The following MCUR1 variants were observed in gnomAD, a reference collection of about 807,000 sequenced individuals.
MCUR1 encodes the protein MCU regulator 1.
MCUR1 carries 37 observed loss-of-function variants against 42.0 expected under a neutral mutation model. The ratio of observed to expected loss-of-function variants is 0.88; its 90% CI spans 0.68 to 1.16. The LOEUF (loss-of-function observed/expected upper bound fraction) is 1.16. Among genes scored for constraint, MCUR1 ranks in the 50% most tolerant of loss-of-function variants. The probability of loss-of-function intolerance (pLI) is 0.00; values close to 1 mark genes in which losing one functional copy is unlikely to be tolerated. For missense variants in MCUR1, 469 were observed against 468.4 expected, an observed-to-expected ratio of 1.00 and a Z score of -0.01; for synonymous variants, 229 against 196.2, an observed-to-expected ratio of 1.17 and a Z score of -1.40.
At chr6:13,799,227 C>T (rs942113857) in intron 5 of MCUR1, among the ~76,000 whole-genome samples, 2 of 150,586 alleles carry the variant, frequency 1.3e-5, no homozygotes, top group African/African-American at 4.9e-5. Context: ...ACTCTGTCAA[C>T]CAGGCTGGAG....
intron 6 of MCUR1, 118 bp from the exon 7 acceptor site, chr6:13,794,065 C>A: frequency 1.2e-6 from 1 of 809,740 alleles, no homozygotes; most frequent in Non-Finnish European, 2.0e-6. Context: ...CAGAAAGTCA[C>A]CTCTGGGATT....
intron 2 of MCUR1, chr6:13,803,685 C>CGT (rs1760042655): frequency 2.3e-5 from 21 of 900,186 alleles, no homozygotes; most frequent in Non-Finnish European, 2.7e-5. Context: ...AATTTTTCAA[C>CGT]ATGTTATACA....
At chr6:13,791,773 A>G in intron 8 of MCUR1, 105 bp downstream of exon 8, 2 of 713,806 alleles carry the variant, frequency 2.8e-6, no homozygotes, top group Non-Finnish European at 4.5e-6. Context: ...ATGTTAAAAT[A>G]TTTCAGAAAG....
chr6:13,799,827 C>CT (rs542304036), intron 5 of MCUR1, among the ~76,000 whole-genome samples: 1,813 of 96,044 alleles, frequency 0.019, 39 homozygotes, highest in African/African-American at 0.043. Context: ...ACACAATTTT[C>CT]TTTTTTTTTT....
At chr6:13,801,898 G>T (rs1332310217) in intron 3 of MCUR1, among the ~76,000 whole-genome samples, 1 of 152,002 alleles carries the variant, frequency 6.6e-6, no homozygotes, top group Non-Finnish European at 1.5e-5. Context: ...CACATATCTG[G>T]TTATTGTTAC....
At chr6:13,807,118 A>T (rs556624787) in intron 1 of MCUR1, 74 bp from the exon 2 acceptor site, 52 of 1,495,200 alleles carry the variant, frequency 3.5e-5, no homozygotes, top group Non-Finnish European at 4.0e-5. Context: ...CAGAGAAAAT[A>T]AGGCATACCC....
At chr6:13,802,438 G>A (rs1760011808) in intron 2 of MCUR1, 92 bp from the exon 3 acceptor site, 3 of 983,664 alleles carry the variant, frequency 3.0e-6, no homozygotes, top group African/African-American at 1.6e-5. Flanking sequence ...AAATCCAGGA[G>A]GAAGAGTACA....
At chr6:13,797,362 A>G (rs1218691010) in intron 6 of MCUR1, among the ~76,000 whole-genome samples, 1 of 152,198 alleles carries the variant, frequency 6.6e-6, no homozygotes, top group Admixed American at 6.5e-5. Context: ...AGACGGCTGA[A>G]TATTCAGACA....
chr6:13,798,740 G>C (rs1759912134), intron 6 of MCUR1, 93 bp downstream of exon 6: 4 of 845,766 alleles, frequency 4.7e-6, no homozygotes, highest in Middle Eastern at 2.3e-4. Context: ...ATATTTAACA[G>C]TACCTATGAC....
At chr6:13,797,784 G>C (rs1160597430) in intron 6 of MCUR1, among the ~76,000 whole-genome samples, 2 of 152,006 alleles carry the variant, frequency 1.3e-5, no homozygotes, top group Non-Finnish European at 2.9e-5. Context: ...AGCACTTTAG[G>C]AGGACAAGGT....
intron 6 of MCUR1, among the ~76,000 whole-genome samples, chr6:13,795,703 A>C (rs916566600): frequency 6.6e-6 from 1 of 152,150 alleles, no homozygotes. Flanking sequence ...GCAAAGGCAA[A>C]AGGATGATAC....
At chr6:13,795,311 C>A (rs1759832281) in intron 6 of MCUR1, among the ~76,000 whole-genome samples, 1 of 152,088 alleles carries the variant, frequency 6.6e-6, no homozygotes, top group Non-Finnish European at 1.5e-5. Flanking sequence ...TTGTGCACCA[C>A]TAAACCTCAG....
rs1338230722 is a variant in MCUR1 at position 13,788,724 on chromosome 6, T to C, written c.*2085A>G. On this transcript the variant is annotated 3_prime_UTR_variant, in exon 9 of 9. Coordinates refer to ENST00000379170, the MANE Select transcript of MCUR1 (RefSeq NM_001031713.4). ...TTCTCTCTGAAAGGGGGATGATATA[T>C]TGATAAAATATTTTATTAATCAGTT... 1 of 152,190 alleles carries C rather than the reference T, an allele frequency of 6.6e-6. No individual in the cohort carries two copies. The highest frequency in any genetic ancestry group is 6.5e-5 in the Admixed American group (1 of 15,268). The allele number at this position is 152,190 out of a possible 1,614,324, so 9.4% of individuals were successfully genotyped here.
intron 6 of MCUR1, 77 bp downstream of exon 6, chr6:13,798,756 C>T: frequency 9.3e-7 from 1 of 1,075,190 alleles, no homozygotes; most frequent in Non-Finnish European, 1.4e-6. Flanking sequence ...ATGACATGTA[C>T]ATAAACTTAG....
chr6:13,799,532 T>A (rs962312729), intron 5 of MCUR1, among the ~76,000 whole-genome samples: 10 of 152,302 alleles, frequency 6.6e-5, no homozygotes, highest in Admixed American at 1.3e-4. Context: ...CGAATGGAAC[T>A]TATGAATAAA....
At chr6:13,812,644 G>A (rs1760262049) in intron 1 of MCUR1, among the ~76,000 whole-genome samples, 1 of 152,174 alleles carries the variant, frequency 6.6e-6, no homozygotes, top group South Asian at 2.1e-4. Context: ...TGTATATAAA[G>A]TTTCCTTCAC....
intron 2 of MCUR1, chr6:13,803,692 T>A (rs1760042976): frequency 1.1e-6 from 1 of 921,926 alleles, no homozygotes; most frequent in Non-Finnish European, 1.3e-6. Context: ...CAACATGTTA[T>A]ACACATGTCT....
chr6:13,803,120 G>A (rs1285206131), intron 2 of MCUR1, among the ~76,000 whole-genome samples: 2 of 151,954 alleles, frequency 1.3e-5, no homozygotes, highest in Non-Finnish European at 2.9e-5. Flanking sequence ...GGAGTGCAAT[G>A]GCGCGATCTC....
In MCUR1 at chr6:13,791,930, G is replaced by A. The variant is rs749221581; in HGVS notation, c.972C>T (p.Gly324=). The A allele has an allele frequency of 2.7e-5, 44 of 1,613,882 alleles. No homozygotes were observed. The highest frequency in any genetic ancestry group is 3.6e-5 in the Non-Finnish European group (42 of 1,179,996). The part of the protein sequence containing the change: ...TDRKIETEVA[G]LKTMLESHKL... ...TGTGTGACTCAAGCATGGTTTTGAG[G>A]CCAGCAACCTCAGTTTCGATCTTCC... The change falls in exon 8 of 9, where the codon GGC becomes GGT. Residue 324 remains glycine (G), a synonymous_variant. Transcript: ENST00000379170.
Sources: gnomAD v4.1 joint callset for allele counts (sites outside exome capture counted in the v4.1 genomes callset) on GRCh38, gnomAD v4.1.1 for gene constraint, MANE v1.5 for transcripts, NCBI Gene and HGNC (gene_info 2026-07-23, HGNC 2026-07-21) for gene names.